The following TMEM266 variants were observed in gnomAD, a reference collection of about 807,000 sequenced individuals.
The protein encoded by TMEM266 is transmembrane protein 266, also known as Hv1 related protein 1.
Under a neutral mutation model 50.5 loss-of-function variants are expected in TMEM266, and 33 were observed. The ratio of observed to expected loss-of-function variants is 0.65; its 90% CI spans 0.50 to 0.87. The LOEUF is 0.87. Among genes scored for constraint, TMEM266 ranks in the 40% least tolerant of loss-of-function variants. The pLI is 0.00. For synonymous variants in TMEM266, 310 were observed against 292.3 expected (o/e 1.06, Z -0.62); for missense variants, 655 against 695.1 (o/e 0.94, Z 0.65).
rs571679069 is a variant in TMEM266, at chr15:76,160,000, G to T, written c.383-95G>T. On this transcript the variant is annotated intron_variant, in intron 4 of 10. Coordinates refer to ENST00000388942, the MANE Select transcript of TMEM266 (RefSeq NM_152335.3). Reference sequence around the variant, plus strand: ...CTAAACGTTCATGCAGGCGGGCCCCGGGGTCCCAGAGGTCTGGACGGATGC... The same window carrying T: ...CTAAACGTTCATGCAGGCGGGCCCCTGGGTCCCAGAGGTCTGGACGGATGC... The T allele has an allele frequency of 3.3e-6, 4 of 1,218,178 alleles. No individual in the cohort carries two copies. The Admixed American group carries it at 5.6e-5, about 17-fold the overall frequency. 75.5% of individuals were successfully genotyped at this position (1,218,178 alleles called of 1,614,324 possible). A position where few individuals can be genotyped will look rare whatever the true frequency, so the allele number is the denominator to read the frequency against.
chr15:76,080,311 G>GAGCCGAGATCGTGCCACT (rs879748994), intron 1 of TMEM266, among the ~76,000 whole-genome samples: 16 of 137,496 alleles, frequency 1.2e-4, no homozygotes, highest in Middle Eastern at 3.5e-3. Context: ...AGGATGCAGT[G>GAGCCGAGATCGTGCCACT]GCACGATCTT....
chr15:76,091,111 A>G (rs968583847), intron 1 of TMEM266, among the ~76,000 whole-genome samples: 2 of 151,532 alleles, frequency 1.3e-5, no homozygotes, highest in African/African-American at 2.5e-5. Context: ...ATCCTGGCTA[A>G]CATATCAAGA....
chr15:76,086,931 G>GGA (rs1555445652), intron 1 of TMEM266, among the ~76,000 whole-genome samples: 1 of 98,942 alleles, frequency 1.0e-5, no homozygotes, highest in African/African-American at 3.6e-5. Context: ...AGCAGGTCGG[G>GGA]GGGGGGGCGG....
At chr15:76,198,914 C>T (rs1235314852) in intron 9 of TMEM266, among the ~76,000 whole-genome samples, 1 of 152,292 alleles carries the variant, frequency 6.6e-6, no homozygotes, top group Non-Finnish European at 1.5e-5. Flanking sequence ...CTGTGTGGGT[C>T]CAGGTCTGGA....
chr15:76,104,646 G>A (rs954226693), intron 1 of TMEM266, among the ~76,000 whole-genome samples: 1 of 151,924 alleles, frequency 6.6e-6, no homozygotes, highest in Non-Finnish European at 1.5e-5. Flanking sequence ...AGGCTGTGAC[G>A]GGGGAGCATG....
intron 1 of TMEM266, among the ~76,000 whole-genome samples, chr15:76,105,972 T>C (rs1457596461): frequency 6.6e-6 from 1 of 152,152 alleles, no homozygotes. Context: ...CCAGGAAAGA[T>C]CAAAGGTGGC....
intron 3 of TMEM266, among the ~76,000 whole-genome samples, chr15:76,148,651 G>A (rs980511195): frequency 1.3e-5 from 2 of 152,194 alleles, no homozygotes; most frequent in African/African-American, 4.8e-5. Flanking sequence ...AGAAGGGACA[G>A]CCAATCCATG....
At chr15:76,121,416 C>CT (rs571553857) in intron 1 of TMEM266, among the ~76,000 whole-genome samples, 16 of 148,602 alleles carry the variant, frequency 1.1e-4, no homozygotes, top group East Asian at 5.9e-4. Context: ...TCTTGGTGTT[C>CT]TTTTTTTTTT....
chr15:76,137,883 A>G lies in TMEM266; in HGVS notation c.215A>G (p.Tyr72Cys). 6.3e-7 allele frequency: 1 copy of G among 1,583,226 alleles called. No individual in the cohort carries two copies. Among genetic ancestry groups the G allele is most frequent in the Non-Finnish European group, 8.6e-7 (1 of 1,165,244 alleles). ...CTCCTGTCAAATCTGGACGAAGATT[A>G]CCAAAGAGAAGGGTAGGTGCTGGGA... The change falls in exon 3 of 11, where the codon TAC (tyrosine) becomes TGC (cysteine). Residue 72 changes from tyrosine (Y) to cysteine (C), a missense_variant. This residue lies in a region of TMEM266 where 99 missense variants were observed against 110.8 expected (regional missense o/e 0.89). Coordinates refer to ENST00000388942, the MANE Select transcript of TMEM266 (RefSeq NM_152335.3).
intron 1 of TMEM266, among the ~76,000 whole-genome samples, chr15:76,121,153 G>A (rs2037338075): frequency 6.6e-6 from 1 of 152,120 alleles, no homozygotes; most frequent in African/African-American, 2.4e-5. Flanking sequence ...CTATGCCTGG[G>A]TATTGACATA....
At chr15:76,091,995 AAAAAGAAAAG>A (rs568735957) in intron 1 of TMEM266, among the ~76,000 whole-genome samples, 2 of 152,094 alleles carry the variant, frequency 1.3e-5, no homozygotes, top group African/African-American at 4.8e-5. Context: ...GTCTCAAAAG[AAAAAGAAAAG>A]AAAAGAAAAG....
At position 76,204,174 on chromosome 15, in the gene TMEM266, C is replaced by CAACCAGAAG. The variant is rs754279736; in HGVS notation, c.1462_1470dup (p.Lys488_Gln490dup). Reference sequence around the variant, plus strand: ...AGCTGGAACACAGGGTAAGTCTGTTCAACCAGAAGAACCAGGAGGGCTTCA... The same window carrying CAACCAGAAG: ...AGCTGGAACACAGGGTAAGTCTGTTCAACCAGAAGAACCAGAAGAACCAGGAGGGCTTCA... On this transcript the variant is annotated inframe_insertion, in exon 11 of 11. Coordinates refer to ENST00000388942, the MANE Select transcript of TMEM266 (RefSeq NM_152335.3). 5 of 1,613,776 alleles carry CAACCAGAAG rather than the reference C, an allele frequency of 3.1e-6. No homozygotes were observed. In the South Asian group the frequency reaches 5.5e-5, roughly 18 times the overall value.
chr15:76,121,116 T>C (rs73446419), intron 1 of TMEM266, among the ~76,000 whole-genome samples: 3,822 of 152,262 alleles, frequency 0.025, 165 homozygotes, highest in African/African-American at 0.088. Context: ...TAAGAGTATA[T>C]GCTTGCTTAA....
At chr15:76,142,290 G>A (rs1444294030) in intron 3 of TMEM266, among the ~76,000 whole-genome samples, 3 of 152,350 alleles carry the variant, frequency 2.0e-5, no homozygotes, top group African/African-American at 7.2e-5. Context: ...TTGGGAGGCT[G>A]AGGCAGGAGA....
intron 1 of TMEM266, among the ~76,000 whole-genome samples, chr15:76,096,055 A>G (rs1260980596): frequency 6.6e-6 from 1 of 151,786 alleles, no homozygotes; most frequent in Non-Finnish European, 1.5e-5. Context: ...TGTTCTTTTC[A>G]AAACACCAGC....
rs2038139451 is a variant in TMEM266, at chr15:76,168,815, C to T, written c.457-1001C>T. Among the ~76,000 whole-genome samples the T allele has an allele frequency of 3.9e-5, 6 of 152,172 alleles. No homozygotes were observed. In the South Asian group the frequency reaches 1.2e-3, roughly 32 times the overall value. ...GCTGTGGAGGGTGACGCCCAGAAAC[C>T]ATAGGAACACCCAGGAAGGAGGCAC... On this transcript the variant is annotated intron_variant, in intron 5 of 10. Transcript: ENST00000388942. This position sits in a 1 kb window ranked among gnomAD's most constrained non-coding sequence, Gnocchi z 4.4.
intron 10 of TMEM266, 53 bp from the exon 11 acceptor site, chr15:76,203,688 C>A: frequency 5.8e-6 from 9 of 1,542,714 alleles, no homozygotes; most frequent in Non-Finnish European, 8.0e-6. Context: ...TCTTCAGGGC[C>A]CCCAGGTGTG....
intron 7 of TMEM266, among the ~76,000 whole-genome samples, chr15:76,172,275 G>A (rs1204083123): frequency 6.6e-6 from 1 of 152,192 alleles, no homozygotes; most frequent in African/African-American, 2.4e-5. Context: ...TGGAGTGGAG[G>A]GGCCTCACAG....
At chr15:76,159,025 G>A (rs1199901879) in intron 4 of TMEM266, among the ~76,000 whole-genome samples, 8 of 152,214 alleles carry the variant, frequency 5.3e-5, no homozygotes, top group African/African-American at 1.9e-4. Context: ...TGGCCCTGGG[G>A]GGGGTTCTGA....
Sources: gnomAD v4.1 joint callset for allele counts (sites outside exome capture counted in the v4.1 genomes callset) on GRCh38, gnomAD v4.1.1 for gene constraint, gnomAD v4.1.1 regional missense constraint, Gnocchi (gnomAD v3.1) non-coding constraint, MANE v1.5 for transcripts, NCBI Gene and HGNC (gene_info 2026-07-23, HGNC 2026-07-21) for gene names.